The following MYO5B variants were observed in gnomAD, a reference collection of about 807,000 sequenced individuals.
The protein encoded by MYO5B is myosin VB.
MYO5B carries 143 observed loss-of-function variants against 229.3 expected under a neutral mutation model. The observed-to-expected ratio is 0.62, with a 90% CI of 0.54 to 0.72. The LOEUF (loss-of-function observed/expected upper bound fraction) is 0.72. Ranked by LOEUF, MYO5B falls within the 30% of genes least tolerant of loss-of-function variation. The pLI is 0.00. For synonymous variants in MYO5B, 918 were observed against 885.2 expected (o/e 1.04, Z -0.66); for missense variants, 2,321 against 2,331.0 (o/e 1.00, Z 0.09).
intron 14 of MYO5B, among the ~76,000 whole-genome samples, chr18:49,944,955 C>T (rs185773052): frequency 1.3e-5 from 2 of 152,276 alleles, no homozygotes; most frequent in East Asian, 3.9e-4. Context: ...AGTCCAATGG[C>T]TAGAAGTGGT....
At chr18:49,994,218 C>T (rs1386961831) in intron 5 of MYO5B, among the ~76,000 whole-genome samples, 7 of 152,180 alleles carry the variant, frequency 4.6e-5, no homozygotes, top group Middle Eastern at 3.2e-3. Flanking sequence ...AGCCCATATG[C>T]GGTTAACCCT....
chr18:50,041,093 C>CT (rs1235326199), intron 2 of MYO5B, among the ~76,000 whole-genome samples: 1 of 152,166 alleles, frequency 6.6e-6, no homozygotes, highest in African/African-American at 2.4e-5. Flanking sequence ...TTGGCTGCTG[C>CT]TCACCATGTA....
intron 4 of MYO5B, among the ~76,000 whole-genome samples, chr18:50,021,768 A>G (rs958995417): frequency 1.8e-4 from 28 of 151,396 alleles, no homozygotes; most frequent in African/African-American, 6.5e-4. Context: ...TGCCCTAAGG[A>G]GGAAGCACCA....
Position 49,984,717 on chromosome 18 carries a change from C to T in MYO5B, c.946+1G>A, listed in dbSNP as rs1454801745. The T allele has an allele frequency of 6.2e-7, 1 of 1,604,244 alleles. No homozygotes were observed. The highest frequency in any genetic ancestry group is 8.5e-7 in the Non-Finnish European group (1 of 1,171,072). Reference sequence around the variant, plus strand: ...GCTTCCCCAACTAAGAAGCTCCTTACCGAGGAGTGTGAAGGCTTGTCGAGT... The same window carrying T: ...GCTTCCCCAACTAAGAAGCTCCTTATCGAGGAGTGTGAAGGCTTGTCGAGT... On this transcript the variant is annotated splice_donor_variant, in intron 8 of 39. Coordinates refer to ENST00000285039, the MANE Select transcript of MYO5B (RefSeq NM_001080467.3). LOFTEE classifies it high-confidence loss of function.
intron 1 of MYO5B, among the ~76,000 whole-genome samples, chr18:50,180,908 A>C (rs191264557): frequency 6.6e-6 from 1 of 152,350 alleles, no homozygotes; most frequent in East Asian, 1.9e-4. Context: ...TCATTCATCC[A>C]TTCATCATTC....
At chr18:50,080,458 T>C (rs1169196803) in intron 1 of MYO5B, among the ~76,000 whole-genome samples, 4 of 152,150 alleles carry the variant, frequency 2.6e-5, no homozygotes, top group Admixed American at 6.5e-5. Flanking sequence ...TCTTGACATA[T>C]GTTATTCCAA....
intron 1 of MYO5B, among the ~76,000 whole-genome samples, chr18:50,138,816 A>G (rs907440916): frequency 3.3e-5 from 5 of 152,158 alleles, no homozygotes; most frequent in African/African-American, 4.8e-5. Flanking sequence ...ATTTCCATGT[A>G]TTTGCTTAAG....
At position 50,062,590 on chromosome 18, in the gene MYO5B, G is replaced by A. The variant is rs927090499; in HGVS notation, c.28-7212C>T. Among the ~76,000 whole-genome samples the A allele has an allele frequency of 3.9e-5, 6 of 152,204 alleles. No individual in the cohort carries two copies. The East Asian group carries it at 9.6e-4, about 24-fold the overall frequency. ...TGGGACACACTCCACTCTTTTGCAA[G>A]GTAAGAATTTAGAAGATAAAGATTA... is the stretch of plus-strand genomic sequence containing the variant. On this transcript the variant is annotated intron_variant, in intron 1 of 39. Coordinates refer to ENST00000285039, the MANE Select transcript of MYO5B (RefSeq NM_001080467.3).
rs1045184469 is a variant in MYO5B at position 50,147,463 on chromosome 18, G to A, written c.27+47304C>T. 7.9e-5 allele frequency among the ~76,000 whole-genome samples: 12 copies of A among 152,260 alleles called. No homozygotes were observed. In the East Asian group the frequency reaches 2.3e-3, roughly 29 times the overall value. On this transcript the variant is annotated intron_variant, in intron 1 of 39. Coordinates refer to ENST00000285039, the MANE Select transcript of MYO5B (RefSeq NM_001080467.3). ...CCAGTCCAGCCGCCACAGGGTACAT[G>A]GATTTGTTTAACACATGAAGCTGAA... is the stretch of plus-strand genomic sequence containing the variant.
In MYO5B at chr18:49,843,335, T is replaced by C. The variant is rs2024084749; in HGVS notation, c.4517A>G (p.Tyr1506Cys). 6.2e-7 allele frequency: 1 copy of C among 1,614,142 alleles called. No homozygotes were observed. Among genetic ancestry groups the C allele is most frequent in the South Asian group, 1.1e-5 (1 of 91,080 alleles). The stretch of plus-strand genomic sequence containing the variant: ...GTAGTCCGCGTGCCGGATGCACATG[T>C]AGAGGATGTAGGCGGGGAGACAGGG... The part of the protein sequence containing the change: ...TVPCLPAYIL[Y>C]MCIRHADYTN... The change falls in exon 34 of 40, where the codon TAC (tyrosine) becomes TGC (cysteine). Residue 1506 changes from tyrosine (Y) to cysteine (C), a missense_variant. This residue lies in a region of MYO5B where 2,113 missense variants were observed against 2,044.7 expected (regional missense o/e 1.03). Transcript: ENST00000285039.
intron 26 of MYO5B, among the ~76,000 whole-genome samples, chr18:49,874,541 C>T (rs1470862514): frequency 6.6e-6 from 1 of 152,202 alleles, no homozygotes; most frequent in African/African-American, 2.4e-5. Flanking sequence ...TACCTCCCCA[C>T]TTACTGCTCA....
intron 4 of MYO5B, among the ~76,000 whole-genome samples, chr18:50,033,608 G>A (rs1194757520): frequency 5.9e-5 from 9 of 152,136 alleles, no homozygotes; most frequent in African/African-American, 1.9e-4. Context: ...TTGGAGCTGA[G>A]GAAGGTAAAA....
chr18:50,175,222 G>T (rs1039333026), intron 1 of MYO5B, among the ~76,000 whole-genome samples: 1 of 152,184 alleles, frequency 6.6e-6, no homozygotes, highest in African/African-American at 2.4e-5. Flanking sequence ...CACCATGCCT[G>T]CCTCCCTCTT....
intron 1 of MYO5B, among the ~76,000 whole-genome samples, chr18:50,109,700 A>T (rs1385023166): frequency 3.9e-5 from 6 of 152,182 alleles, no homozygotes; most frequent in Non-Finnish European, 7.3e-5. Flanking sequence ...TGCTGGGATT[A>T]CAGGCATGAG....
At chr18:49,862,427 TAGG>T (rs1375991540) in intron 29 of MYO5B, among the ~76,000 whole-genome samples, 1 of 152,162 alleles carries the variant, frequency 6.6e-6, no homozygotes, top group Non-Finnish European at 1.5e-5. Context: ...ACACAGGTGA[TAGG>T]AGCTCACCCC....
intron 2 of MYO5B, among the ~76,000 whole-genome samples, chr18:50,048,970 C>T (rs1446492199): frequency 1.3e-5 from 2 of 150,694 alleles, no homozygotes; most frequent in East Asian, 2.0e-4. Flanking sequence ...TGAAGTGTGC[C>T]GAGATTGCAC....
In MYO5B at chr18:50,089,424, G is replaced by C. The variant is rs1437389323; in HGVS notation, c.28-34046C>G. Among the ~76,000 whole-genome samples the C allele has an allele frequency of 2.0e-5, 3 of 151,972 alleles. No homozygotes were observed. The East Asian group carries it at 5.8e-4, about 29-fold the overall frequency. On this transcript the variant is annotated intron_variant, in intron 1 of 39. Transcript: ENST00000285039. ...TAGGAACCTTTTATCAAGGGTGAGA[G>C]ACACAAAAAGCAAACCAAAGATTCC...
intron 1 of MYO5B, among the ~76,000 whole-genome samples, chr18:50,106,783 G>A (rs966684029): frequency 2.0e-5 from 3 of 152,226 alleles, no homozygotes; most frequent in African/African-American, 7.2e-5. Flanking sequence ...TCCGTGAAAG[G>A]CATCTTATTC....
At chr18:50,127,303 C>T (rs1034066248) in intron 1 of MYO5B, among the ~76,000 whole-genome samples, 1 of 152,188 alleles carries the variant, frequency 6.6e-6, no homozygotes, top group Non-Finnish European at 1.5e-5. Flanking sequence ...GAACCAAGAA[C>T]CCAGGTTCTC....
Sources: gnomAD v4.1 joint callset for allele counts (sites outside exome capture counted in the v4.1 genomes callset) on GRCh38, gnomAD v4.1.1 for gene constraint, gnomAD v4.1.1 regional missense constraint, MANE v1.5 for transcripts, NCBI Gene and HGNC (gene_info 2026-07-23, HGNC 2026-07-21) for gene names.